The following SLC3A1 variants were observed in gnomAD, a reference collection of about 807,000 sequenced individuals.
SLC3A1 encodes solute carrier family 3 member 1.
A neutral mutation model predicts 60.3 loss-of-function variants in SLC3A1; 78 were observed. The observed-to-expected ratio is 1.29, with a 90% CI of 1.08 to 1.56. The LOEUF is 1.56. SLC3A1 is among the 40% of genes most tolerant of loss of function. The pLI, the probability that SLC3A1 is intolerant of heterozygous loss-of-function variation, is 0.00. For missense variants in SLC3A1, 1,172 were observed against 858.9 expected (o/e 1.36, Z -4.56); for synonymous variants, 392 against 307.9 (o/e 1.27, Z -2.86).
chr2:44,278,818 A>T (rs1442336132), intron 1 of SLC3A1, among the ~76,000 whole-genome samples: 4 of 152,270 alleles, frequency 2.6e-5, no homozygotes, highest in East Asian at 1.9e-4. Flanking sequence ...ATAAGTGAAC[A>T]AGGGAAATAG....
chr2:44,289,280 G>C (rs1325197085), intron 4 of SLC3A1, among the ~76,000 whole-genome samples: 2 of 147,680 alleles, frequency 1.4e-5, no homozygotes, highest in Admixed American at 6.8e-5. Context: ...GCGTGATCTC[G>C]GCTCACTGCA....
intron 3 of SLC3A1, among the ~76,000 whole-genome samples, chr2:44,283,385 A>G (rs1297528816): frequency 6.6e-6 from 1 of 152,204 alleles, no homozygotes; most frequent in Non-Finnish European, 1.5e-5. Flanking sequence ...GACATTAGCA[A>G]ACATTTACAA....
rs184621412 is a variant in SLC3A1 at position 44,300,591 on chromosome 2, T to C, written c.1012-412T>C. ...AAAGTATAACAGTTAGGAGAAAGGA[T>C]AGTGATGGTAAAGAAACAAATTTAA... On this transcript the variant is annotated intron_variant, in intron 5 of 9. Transcript: ENST00000260649. Among the ~76,000 whole-genome samples, 6 of 151,952 alleles carry C rather than the reference T, an allele frequency of 3.9e-5. No individual in the cohort carries two copies. In the East Asian group the frequency reaches 1.2e-3, roughly 29 times the overall value.
intron 1 of SLC3A1, among the ~76,000 whole-genome samples, chr2:44,279,538 G>A (rs963855939): frequency 6.7e-6 from 1 of 149,410 alleles, no homozygotes; most frequent in African/African-American, 2.5e-5. Context: ...TCCCACCCCT[G>A]CCTGCAGACA....
chr2:44,314,525 C>T (rs970640585), intron 9 of SLC3A1: 12 of 163,310 alleles, frequency 7.3e-5, no homozygotes, highest in African/African-American at 2.9e-4. Flanking sequence ...ACAAACTAAA[C>T]CAATTTAGGG....
At chr2:44,309,405 T>C (rs1347329782) in intron 7 of SLC3A1, among the ~76,000 whole-genome samples, 1 of 152,220 alleles carries the variant, frequency 6.6e-6, no homozygotes, top group Non-Finnish European at 1.5e-5. Context: ...TACTCCTTCT[T>C]ATGACTGAAT....
chr2:44,320,444 G>T lies in SLC3A1; in HGVS notation c.1863G>T (p.Arg621Ser). 1 of 1,614,088 alleles carries T rather than the reference G, an allele frequency of 6.2e-7. No homozygotes were observed. Residue 621 changes from arginine to serine, a missense_variant, in exon 10 of 10, where the codon AGG becomes AGT. Coordinates refer to ENST00000260649, the MANE Select transcript of SLC3A1 (RefSeq NM_000341.4). ...ISGLPAKMRIRLSTNSADKGS... is the reference protein window; with the variant it reads ...ISGLPAKMRISLSTNSADKGS... ...GCCTTCCCGCTAAAATGAGAATAAG[G>T]TTAAGTACCAATTCTGCCGACAAAG...
chr2:44,284,663 A>G (rs531026750), intron 3 of SLC3A1, among the ~76,000 whole-genome samples: 2 of 152,284 alleles, frequency 1.3e-5, no homozygotes, highest in African/African-American at 2.4e-5. Context: ...CCTAGGCTCA[A>G]GCAATCCTCG....
Position 44,301,106 on chromosome 2 carries a change from G to C in SLC3A1, c.1115G>C (p.Ser372Thr), listed in dbSNP as rs765522070. Residue 372 changes from serine to threonine, a missense_variant, in exon 6 of 10, where the codon AGC becomes ACC. Ser to Thr is a moderately conservative substitution (Grantham distance 58). Transcript: ENST00000260649. ...TTCCGGCAGACCATGGACCAATACA[G>C]CACGGAGCCCGGCAGATACAGGTTG... ...RSFRQTMDQY[S>T]TEPGRYRFMG... The C allele has an allele frequency of 1.2e-6, 2 of 1,612,772 alleles. No individual in the cohort carries two copies. Among genetic ancestry groups the C allele is most frequent in the Non-Finnish European group, 8.5e-7 (1 of 1,179,842 alleles).
intron 4 of SLC3A1, among the ~76,000 whole-genome samples, chr2:44,287,881 G>A (rs1298859898): frequency 6.6e-6 from 1 of 152,122 alleles, no homozygotes; most frequent in Non-Finnish European, 1.5e-5. Context: ...GGAGTCACTA[G>A]GGGCACCTAG....
intron 7 of SLC3A1, among the ~76,000 whole-genome samples, chr2:44,309,498 A>G (rs1264179927): frequency 6.6e-6 from 1 of 152,144 alleles, no homozygotes. Context: ...GGCTGTTGGA[A>G]TAATGTTACA....
At chr2:44,315,549 C>T (rs1023839137) in intron 9 of SLC3A1, among the ~76,000 whole-genome samples, 10 of 149,954 alleles carry the variant, frequency 6.7e-5, no homozygotes, top group African/African-American at 2.2e-4. Flanking sequence ...TGACATGTGC[C>T]TGTCATCCCA....
intron 4 of SLC3A1, among the ~76,000 whole-genome samples, chr2:44,295,434 G>A (rs1671827679): frequency 6.6e-6 from 1 of 152,158 alleles, no homozygotes; most frequent in Non-Finnish European, 1.5e-5. Context: ...ACCTTCATGG[G>A]AGTAAAGAGG....
At chr2:44,285,981 G>A (rs778680136) in intron 3 of SLC3A1, 51 bp from the exon 4 acceptor site, 1 of 1,609,526 alleles carries the variant, frequency 6.2e-7, no homozygotes, top group South Asian at 1.1e-5. Flanking sequence ...ATCTTTATTT[G>A]TGGGCAATAC....
intron 4 of SLC3A1, among the ~76,000 whole-genome samples, chr2:44,298,367 C>A (rs966246983): frequency 3.3e-5 from 5 of 150,242 alleles, no homozygotes; most frequent in African/African-American, 1.3e-4. Flanking sequence ...TGGCCACCCC[C>A]CTATCCCTGC....
chr2:44,276,029 C>A, intron 1 of SLC3A1, 64 bp downstream of exon 1: 1 of 1,455,674 alleles, frequency 6.9e-7, no homozygotes, highest in Non-Finnish European at 9.6e-7. Context: ...TTCTTTTGTT[C>A]TTCAGAACCA....
chr2:44,276,712 A>C (rs1013979839), intron 1 of SLC3A1, among the ~76,000 whole-genome samples: 3 of 152,176 alleles, frequency 2.0e-5, no homozygotes, highest in Admixed American at 6.5e-5. Flanking sequence ...AAAGAAAAAA[A>C]AAAAAGTGAA....
At chr2:44,282,508 C>T (rs1671523540) in intron 3 of SLC3A1, among the ~76,000 whole-genome samples, 1 of 152,174 alleles carries the variant, frequency 6.6e-6, no homozygotes, top group African/African-American at 2.4e-5. Flanking sequence ...CCTTTTACAA[C>T]AGAAGCCAGA....
Position 44,310,082 on chromosome 2 carries a change from TG to T in SLC3A1, c.1333-2500del, listed in dbSNP as rs371637054. ...ATAATTTTTGTATTTTTTGTGGAGA[TG>T]GGGTTTTGCCATGTTGTCCAAGCTG... On this transcript the variant is annotated intron_variant, in intron 7 of 9. Transcript: ENST00000260649. Among the ~76,000 whole-genome samples the T allele has an allele frequency of 2.9e-4, 44 of 152,220 alleles. No homozygotes were observed. The East Asian group carries it at 2.9e-3, about 10-fold the overall frequency.
Sources: gnomAD v4.1 joint callset for allele counts (sites outside exome capture counted in the v4.1 genomes callset) on GRCh38, gnomAD v4.1.1 for gene constraint, MANE v1.5 for transcripts, NCBI Gene and HGNC (gene_info 2026-07-23, HGNC 2026-07-21) for gene names.